SLC4A7: variants seen among roughly 807,000 people sequenced by gnomAD.
SLC4A7 encodes the protein sodium bicarbonate cotransporter 3.
SLC4A7 carries 51 observed loss-of-function variants against 137.6 expected under a neutral mutation model. That is an observed-to-expected ratio of 0.37 (90% CI 0.30 to 0.47). The LOEUF is 0.47. SLC4A7 is among the 20% of genes least tolerant of loss of function. SLC4A7 has a pLI of 1.00. For synonymous variants in SLC4A7, 542 were observed against 518.6 expected, an observed-to-expected ratio of 1.05 and a Z score of -0.61; for missense variants, 1,247 against 1,525.4, an observed-to-expected ratio of 0.82 and a Z score of 3.04.
rs550663318 is a variant in SLC4A7, at chr3:27,473,610, A to T, written c.60+10457T>A. Among the ~76,000 whole-genome samples, 1,156 of 140,912 alleles carry T rather than the reference A, an allele frequency of 8.2e-3. 5 individuals carry two copies. The highest frequency in any genetic ancestry group is 0.012 in the Non-Finnish European group (815 of 65,922). The allele number at this position is 140,912 out of a possible 152,430, so 92.4% of individuals were successfully genotyped here. A position where few individuals can be genotyped will look rare whatever the true frequency, so the allele number is the denominator to read the frequency against. On this transcript the variant is annotated intron_variant, in intron 1 of 25. Coordinates refer to ENST00000454389, the MANE Select transcript of SLC4A7 (RefSeq NM_001321103.2). ...GTAGTCCCAGCTACTCGGGAGGCTG[A>T]GGTGGGAGGATTGTTTGAGCCCGGG... is the stretch of plus-strand genomic sequence containing the variant.
intron 24 of SLC4A7, among the ~76,000 whole-genome samples, chr3:27,381,444 AG>A (rs1400046276): frequency 5.3e-5 from 8 of 152,224 alleles, no homozygotes; most frequent in Non-Finnish European, 1.0e-4. Flanking sequence ...AACCCAGCAA[AG>A]CAGATCGCTG....
At chr3:27,435,849 C>G (rs2056697668) in intron 5 of SLC4A7, among the ~76,000 whole-genome samples, 5 of 151,762 alleles carry the variant, frequency 3.3e-5, no homozygotes. Flanking sequence ...TGTGATCCCC[C>G]CCTTAAAAAA....
At chr3:27,386,889 T>A (rs2051012966) in intron 22 of SLC4A7, among the ~76,000 whole-genome samples, 1 of 152,160 alleles carries the variant, frequency 6.6e-6, no homozygotes, top group Non-Finnish European at 1.5e-5. Context: ...TGGTCTCAGA[T>A]AAGGAGTACA....
chr3:27,395,572 G>A (rs2052067552), intron 18 of SLC4A7, among the ~76,000 whole-genome samples: 1 of 152,108 alleles, frequency 6.6e-6, no homozygotes, highest in Non-Finnish European at 1.5e-5. Flanking sequence ...GTGGGTGTCG[G>A]GGGCGGTTCC....
intron 10 of SLC4A7, among the ~76,000 whole-genome samples, chr3:27,419,691 T>C (rs2150287344): frequency 6.6e-6 from 1 of 151,888 alleles, no homozygotes; most frequent in East Asian, 2.0e-4. Context: ...ATCTTTGGAC[T>C]AAGGAAATGA....
At chr3:27,424,005 T>C in intron 8 of SLC4A7, 32 bp downstream of exon 8, 4 of 1,208,536 alleles carry the variant, frequency 3.3e-6, no homozygotes, top group Non-Finnish European at 4.9e-6. Context: ...GTAAGAATAA[T>C]TATGAGAATT....
At chr3:27,445,781 A>T (rs1003930053) in intron 3 of SLC4A7, among the ~76,000 whole-genome samples, 4 of 145,606 alleles carry the variant, frequency 2.7e-5, no homozygotes, top group African/African-American at 1.0e-4. Context: ...AAAAAAAAAA[A>T]ATTAGCCGTG....
intron 8 of SLC4A7, among the ~76,000 whole-genome samples, chr3:27,422,208 A>G (rs145880278): frequency 2.2e-4 from 34 of 152,284 alleles, no homozygotes; most frequent in African/African-American, 7.2e-4. Flanking sequence ...CAAACCAAAA[A>G]ATTACTCTGG....
At chr3:27,438,603 CAT>C (rs1467367433) in intron 3 of SLC4A7, among the ~76,000 whole-genome samples, 7 of 140,798 alleles carry the variant, frequency 5.0e-5, no homozygotes, top group East Asian at 4.0e-4. Context: ...AATAACATAA[CAT>C]AAAATAAAAT....
At chr3:27,402,417 C>A (rs1029799227) in intron 15 of SLC4A7, among the ~76,000 whole-genome samples, 11 of 152,072 alleles carry the variant, frequency 7.2e-5, no homozygotes, top group African/African-American at 1.7e-4. Context: ...TATCAAGCTT[C>A]AGCCGGGCAC....
At chr3:27,466,869 ATTT>A (rs890660145) in intron 1 of SLC4A7, among the ~76,000 whole-genome samples, 1 of 151,982 alleles carries the variant, frequency 6.6e-6, no homozygotes, top group African/African-American at 2.4e-5. Context: ...GAAAAAAAAA[ATTT>A]TTTTAATTTT....
chr3:27,453,998 A>G (rs1282906147), intron 1 of SLC4A7, among the ~76,000 whole-genome samples: 1 of 152,150 alleles, frequency 6.6e-6, no homozygotes, highest in African/African-American at 2.4e-5. Context: ...GTAGACCATG[A>G]GACAATTTCA....
rs778198394 is a variant in SLC4A7 at position 27,403,305 on chromosome 3, T to C, written c.2155A>G (p.Thr719Ala). The C allele has an allele frequency of 3.7e-6, 6 of 1,613,962 alleles. No homozygotes were observed. The highest frequency in any genetic ancestry group is 2.2e-5 in the South Asian group (2 of 91,072). The part of the protein sequence containing the change: ...TSFLCIVLVA[T>A]DASSLVCYIT... ...TAACACACAAGGCTGCTTGCATCTG[T>C]TGCAACCAAAACAATGCACAAAAAA... The change falls in exon 15 of 26, where the codon ACA becomes GCA. Residue 719 changes from threonine (T) to alanine (A), a missense_variant. By Grantham distance (58) the Thr-to-Ala change is moderately conservative. Transcript: ENST00000454389.
Position 27,395,130 on chromosome 3 carries a change from A to C in SLC4A7, c.2704-15T>G. On this transcript the variant is annotated splice_polypyrimidine_tract_variant and intron_variant, in intron 18 of 25. Transcript: ENST00000454389. Reference sequence around the variant, plus strand: ...GGATGAGTAGGCTGTTAAAAAATTAAATATAATTTTCAAAAAGTCTCCTTG... The same window carrying C: ...GGATGAGTAGGCTGTTAAAAAATTACATATAATTTTCAAAAAGTCTCCTTG... 1.3e-6 allele frequency: 2 copies of C among 1,553,208 alleles called. No homozygotes were observed. Among genetic ancestry groups the C allele is most frequent in the Non-Finnish European group, 1.7e-6 (2 of 1,156,120 alleles).
At chr3:27,385,755 T>C in intron 23 of SLC4A7, 137 bp downstream of exon 23, 1 of 587,286 alleles carries the variant, frequency 1.7e-6, no homozygotes, top group Non-Finnish European at 2.9e-6. Flanking sequence ...ATAACAGCAG[T>C]ACCTACTACA....
rs764670093 is a variant in SLC4A7 at position 27,376,717 on chromosome 3, C to T, written c.*47G>A. On this transcript the variant is annotated 3_prime_UTR_variant, in exon 26 of 26. Coordinates refer to ENST00000454389, the MANE Select transcript of SLC4A7 (RefSeq NM_001321103.2). Reference sequence around the variant, plus strand: ...TATATATAGTGACATGATACGCACACATTACATATGTATATATCTATATGT... The same window carrying T: ...TATATATAGTGACATGATACGCACATATTACATATGTATATATCTATATGT... 11 of 1,071,536 alleles carry T rather than the reference C, an allele frequency of 1.0e-5. No individual in the cohort carries two copies. The highest frequency in any genetic ancestry group is 1.3e-5 in the South Asian group (1 of 76,356). 66.4% of individuals were successfully genotyped at this position (1,071,536 alleles called of 1,614,324 possible).
At chr3:27,448,349 T>C (rs1364709688) in intron 3 of SLC4A7, among the ~76,000 whole-genome samples, 1 of 152,098 alleles carries the variant, frequency 6.6e-6, no homozygotes. Context: ...ACTACTAAAT[T>C]TGAGCCTAAG....
At chr3:27,456,567 C>A (rs1576585158) in intron 1 of SLC4A7, 2 of 952,644 alleles carry the variant, frequency 2.1e-6, no homozygotes, top group East Asian at 4.8e-5. Context: ...TGCTAATAAG[C>A]CTGACATTTC....
chr3:27,434,116 A>G lies in SLC4A7; in HGVS notation c.590-12T>C, dbSNP rs975384283. ...GTCTAATACCATATCTATTCAATGA[A>G]AAAAAAAATAAATTACTAAACACTC... On this transcript the variant is annotated splice_polypyrimidine_tract_variant and intron_variant, in intron 5 of 25. Transcript: ENST00000454389. The G allele has an allele frequency of 3.9e-6, 6 of 1,556,800 alleles. No homozygotes were observed. Among genetic ancestry groups the G allele is most frequent in the Non-Finnish European group, 5.2e-6 (6 of 1,150,506 alleles).
Sources: allele counts gnomAD v4.1 joint callset (sites outside exome capture counted in the v4.1 genomes callset), GRCh38; gene constraint gnomAD v4.1.1; transcripts MANE v1.5; gene names NCBI Gene and HGNC (gene_info 2026-07-23, HGNC 2026-07-21).